The following CEP170 variants were observed in gnomAD, a reference collection of about 807,000 sequenced individuals.
CEP170 encodes centrosomal protein of 170 kDa.
In CEP170, 21 loss-of-function variants were observed where a neutral mutation model predicts 151.9. The ratio of observed to expected loss-of-function variants is 0.14; its 90% CI spans 0.10 to 0.20. The LOEUF (loss-of-function observed/expected upper bound fraction) is 0.20. Ranked by LOEUF, CEP170 falls within the 10% of genes least tolerant of loss-of-function variation. CEP170 has a pLI of 1.00. For missense variants in CEP170, 964 were observed against 1,892.9 expected (o/e 0.51, Z 9.11); for synonymous variants, 356 against 648.8 (o/e 0.55, Z 6.86).
At chr1:243,225,994 CACG>C (rs2063196766) in intron 1 of CEP170, among the ~76,000 whole-genome samples, 3 of 137,898 alleles carry the variant, frequency 2.2e-5, no homozygotes, top group Non-Finnish European at 4.6e-5. Context: ...TATATATATA[CACG>C]TATATATATC....
chr1:243,215,789 T>G (rs1466850051), intron 3 of CEP170, among the ~76,000 whole-genome samples: 4 of 152,046 alleles, frequency 2.6e-5, no homozygotes, highest in Non-Finnish European at 5.9e-5. Flanking sequence ...ATTCATACAC[T>G]CCCTCCCCTT....
Position 243,200,492 on chromosome 1 carries a change from T to TG in CEP170, c.496+25dup, listed in dbSNP as rs199863853. 3.2e-3 allele frequency: 5,030 copies of TG among 1,577,408 alleles called. 154 individuals carry two copies. The African/African-American group carries it at 0.058, about 18-fold the overall frequency. ...GTGTCTTCAAGATCAAGTATAAAGATGGTCTTTCGAGAGAGGCCAGCTTAC... is the reference window on the plus strand; with the variant it reads ...GTGTCTTCAAGATCAAGTATAAAGATGGGTCTTTCGAGAGAGGCCAGCTTAC... On this transcript the variant is annotated intron_variant, in intron 6 of 19. Coordinates refer to ENST00000366542, the MANE Select transcript of CEP170 (RefSeq NM_014812.3).
At chr1:243,231,385 C>T (rs1042308254) in intron 1 of CEP170, among the ~76,000 whole-genome samples, 3 of 151,842 alleles carry the variant, frequency 2.0e-5, no homozygotes, top group Admixed American at 1.3e-4. Flanking sequence ...TTTAAAACCA[C>T]TGATAAAGGT....
chr1:243,231,153 G>GCAT (rs74162260), intron 1 of CEP170, among the ~76,000 whole-genome samples: 4,771 of 142,132 alleles, frequency 0.034, 166 homozygotes, highest in African/African-American at 0.085. Flanking sequence ...TATCTTTCAA[G>GCAT]CATCATCATC....
Position 243,131,416 on chromosome 1 carries a change from C to T in CEP170, c.4320-1963G>A, listed in dbSNP as rs1264077013. 4.0e-5 allele frequency among the ~76,000 whole-genome samples: 6 copies of T among 151,846 alleles called. No individual in the cohort carries two copies. The South Asian group carries it at 6.2e-4, about 16-fold the overall frequency. Reference sequence around the variant, plus strand: ...CTGAGGTGGGAGGATTGCTTGTGCCCAGGGAGGTCGAGGCTGCACTGAGTG... The same window carrying T: ...CTGAGGTGGGAGGATTGCTTGTGCCTAGGGAGGTCGAGGCTGCACTGAGTG... On this transcript the variant is annotated intron_variant, in intron 17 of 19. Transcript: ENST00000366542.
chr1:243,160,318 G>A (rs540360994), intron 13 of CEP170, among the ~76,000 whole-genome samples: 3 of 152,100 alleles, frequency 2.0e-5, no homozygotes, highest in South Asian at 2.1e-4. Flanking sequence ...AGACTTATTC[G>A]TTAGTAAAGG....
At chr1:243,255,423 C>T (rs1205450426), upstream of CEP170, 1 of 153,610 alleles carries the variant, frequency 6.5e-6, no homozygotes, top group Non-Finnish European at 1.5e-5. Flanking sequence ...CAGGCGTGCC[C>T]CGAAAGACCA....
At chr1:243,215,182 C>T (rs768852255) in intron 3 of CEP170, among the ~76,000 whole-genome samples, 3 of 152,128 alleles carry the variant, frequency 2.0e-5, no homozygotes, top group African/African-American at 4.8e-5. Context: ...CCGTCATCTT[C>T]GTAAGCTGAG....
intron 3 of CEP170, among the ~76,000 whole-genome samples, chr1:243,220,788 T>G (rs2062729201): frequency 6.6e-6 from 1 of 152,228 alleles, no homozygotes; most frequent in African/African-American, 2.4e-5. Flanking sequence ...ACTTCAGCAC[T>G]CTTTTTAGTT....
intron 10 of CEP170, among the ~76,000 whole-genome samples, chr1:243,173,627 T>G (rs1006961592): frequency 6.6e-6 from 1 of 151,356 alleles, no homozygotes; most frequent in Non-Finnish European, 1.5e-5. Context: ...TCCCAGCTAC[T>G]TGGGAGGCTG....
chr1:243,242,771 G>A (rs1572629817), intron 1 of CEP170, among the ~76,000 whole-genome samples: 2 of 152,086 alleles, frequency 1.3e-5, no homozygotes, highest in East Asian at 3.9e-4. Context: ...CGCAATCTCG[G>A]CTCACTGCAA....
intron 8 of CEP170, among the ~76,000 whole-genome samples, chr1:243,186,693 G>A (rs1377841984): frequency 6.6e-6 from 1 of 152,074 alleles, no homozygotes; most frequent in East Asian, 1.9e-4. Flanking sequence ...TGTCTTAATA[G>A]ATAATTGATG....
intron 13 of CEP170, among the ~76,000 whole-genome samples, chr1:243,159,976 A>G (rs1246916201): frequency 6.6e-6 from 1 of 152,058 alleles, no homozygotes; most frequent in Non-Finnish European, 1.5e-5. Context: ...TTTAGTAGAG[A>G]CGGAGTTTCA....
intron 16 of CEP170, 92 bp from the exon 17 acceptor site, chr1:243,136,323 G>A (rs1440053266): frequency 2.4e-6 from 2 of 846,376 alleles, no homozygotes; most frequent in Non-Finnish European, 3.6e-6. Flanking sequence ...CTATAGTTAG[G>A]GGCAGTTAGT....
intron 7 of CEP170, among the ~76,000 whole-genome samples, chr1:243,194,396 T>C (rs2060506012): frequency 6.6e-6 from 1 of 152,018 alleles, no homozygotes; most frequent in Admixed American, 6.6e-5. Context: ...ATACTGATAT[T>C]GATGATTGAT....
At chr1:243,132,500 T>C (rs185261245) in intron 17 of CEP170, among the ~76,000 whole-genome samples, 2 of 152,322 alleles carry the variant, frequency 1.3e-5, no homozygotes, top group African/African-American at 4.8e-5. Flanking sequence ...GCTTTATGCA[T>C]AGTAAAACTC....
intron 1 of CEP170, among the ~76,000 whole-genome samples, chr1:243,226,214 TAGAG>T (rs1163239239): frequency 1.4e-5 from 2 of 145,138 alleles, no homozygotes; most frequent in East Asian, 4.0e-4. Context: ...TATATATCTA[TAGAG>T]AGATAGACAT....
chr1:243,199,432 A>G (rs1254838969), intron 6 of CEP170, among the ~76,000 whole-genome samples: 1 of 152,122 alleles, frequency 6.6e-6, no homozygotes, highest in Non-Finnish European at 1.5e-5. Context: ...ACAACGTGCT[A>G]CATATCTCAA....
intron 11 of CEP170, among the ~76,000 whole-genome samples, chr1:243,170,401 T>G (rs1410331132): frequency 1.3e-5 from 2 of 149,060 alleles, no homozygotes; most frequent in African/African-American, 2.5e-5. Flanking sequence ...AAAAAAAAAG[T>G]GCCAGATTTA....
Sources: allele counts gnomAD v4.1 joint callset (sites outside exome capture counted in the v4.1 genomes callset), GRCh38; gene constraint gnomAD v4.1.1; transcripts MANE v1.5; gene names NCBI Gene and HGNC (gene_info 2026-07-23, HGNC 2026-07-21).